The following ERG variants were observed in gnomAD, a reference collection of about 807,000 sequenced individuals.
The protein encoded by ERG is ETS transcription factor ERG.
Under a neutral mutation model 55.3 loss-of-function variants are expected in ERG, and 9 were observed. That is an observed-to-expected ratio of 0.16 (90% confidence interval 0.10 to 0.28). The LOEUF is 0.28. ERG is among the 10% of genes least tolerant of loss of function. ERG has a pLI of 1.00. For synonymous variants in ERG, 223 were observed against 237.3 expected (o/e 0.94, Z 0.55); for missense variants, 434 against 631.6 (o/e 0.69, Z 3.35).
intron 1 of ERG, among the ~76,000 whole-genome samples, chr21:38,635,919 A>G (rs1026877348): frequency 6.6e-6 from 1 of 152,118 alleles, no homozygotes; most frequent in Non-Finnish European, 1.5e-5. Flanking sequence ...TGATTCTTCT[A>G]GGTCTCTATT....
At position 38,429,481 on chromosome 21, in the gene ERG, A is replaced by ACG. The variant is rs1395871198; in HGVS notation, c.237-5921_237-5920insCG. Among the ~76,000 whole-genome samples the ACG allele has an allele frequency of 6.3e-4, 82 of 130,770 alleles. 30 individuals carry two copies. Among genetic ancestry groups the ACG allele is most frequent in the Middle Eastern group, 3.8e-3 (1 of 264 alleles). The allele number at this position is 130,770 out of a possible 152,430, so 85.8% of individuals were successfully genotyped here. A position where few individuals can be genotyped will look rare whatever the true frequency, so the allele number is the denominator to read the frequency against. Reference sequence around the variant, plus strand: ...TACATATACACATATGTGTATATACATGTATGCACATGTACATATATACAT... The same window carrying ACG: ...TACATATACACATATGTGTATATACACGTGTATGCACATGTACATATATACAT... On this transcript the variant is annotated intron_variant, in intron 2 of 9. Transcript: ENST00000288319.
At chr21:38,654,799 C>A (rs1250054488) in intron 1 of ERG, among the ~76,000 whole-genome samples, 1 of 152,168 alleles carries the variant, frequency 6.6e-6, no homozygotes, top group Non-Finnish European at 1.5e-5. Context: ...TCTTGAACTG[C>A]AGAAAAAGCA....
intron 1 of ERG, among the ~76,000 whole-genome samples, chr21:38,598,361 G>A (rs2146906541): frequency 6.6e-6 from 1 of 152,326 alleles, no homozygotes; most frequent in East Asian, 1.9e-4. Flanking sequence ...TGGAAGCGCA[G>A]GCAGCAGAGT....
the ERG span, among the ~76,000 whole-genome samples, chr21:38,367,878 A>C: frequency 6.6e-6 from 1 of 152,146 alleles, no homozygotes; most frequent in African/African-American, 2.4e-5. Flanking sequence ...TCTGCAGAGA[A>C]CAATTAGAGT....
chr21:38,384,898 C>T (rs962179947), intron 9 of ERG, among the ~76,000 whole-genome samples: 1 of 151,322 alleles, frequency 6.6e-6, no homozygotes. Flanking sequence ...TTTGGGCAAG[C>T]GCATCGTAAC....
chr21:38,557,671 A>G (rs1348760379), intron 2 of ERG, among the ~76,000 whole-genome samples: 1 of 152,224 alleles, frequency 6.6e-6, no homozygotes, highest in African/African-American at 2.4e-5. Context: ...GTGACAATTT[A>G]GATGTAAAAC....
At chr21:38,441,400 C>T (rs772162045) in intron 2 of ERG, among the ~76,000 whole-genome samples, 2 of 152,218 alleles carry the variant, frequency 1.3e-5, no homozygotes, top group East Asian at 1.9e-4. Context: ...ACAAAGCCTG[C>T]GGTTTCCAGA....
intron 3 of ERG, among the ~76,000 whole-genome samples, chr21:38,406,667 T>TA (rs1265560933): frequency 6.6e-6 from 1 of 152,132 alleles, no homozygotes; most frequent in Non-Finnish European, 1.5e-5. Context: ...ATTTTTTTTT[T>TA]AATGTAACAA....
rs762465730 is a variant in ERG at position 38,383,856 on chromosome 21, G to A, written c.987C>T (p.Cys329=). The change falls in exon 10 of 10, where the codon TGC becomes TGT. Residue 329 remains cysteine (C), a synonymous_variant. Coordinates refer to ENST00000288319, the MANE Select transcript of ERG (RefSeq NM_182918.4). The surrounding 1 kb of genome is among the most constrained non-coding windows in gnomAD (Gnocchi z 5.7). ...ELLSDSSNSS[C]ITWEGTNGEF... ...CCCCGTTGGTGCCTTCCCAGGTGATGCAGCTGGAGTTGGAGCTGTCCGACA... is the reference window on the plus strand; with the variant it reads ...CCCCGTTGGTGCCTTCCCAGGTGATACAGCTGGAGTTGGAGCTGTCCGACA... 82 of 1,613,996 alleles carry A rather than the reference G, an allele frequency of 5.1e-5. No individual in the cohort carries two copies. The highest frequency in any genetic ancestry group is 3.3e-4 in the Admixed American group (20 of 60,006).
At chr21:38,406,858 G>A (rs781647599) in intron 3 of ERG, among the ~76,000 whole-genome samples, 11 of 152,014 alleles carry the variant, frequency 7.2e-5, no homozygotes, top group Non-Finnish European at 1.5e-4. Context: ...AATTGGTTTC[G>A]CTCATCAAGA....
chr21:38,570,908 A>G (rs961535570), intron 2 of ERG, among the ~76,000 whole-genome samples: 39 of 152,340 alleles, frequency 2.6e-4, no homozygotes, highest in African/African-American at 8.9e-4. Flanking sequence ...ATTCTATATG[A>G]TTAGCTGGTG....
intron 1 of ERG, among the ~76,000 whole-genome samples, chr21:38,476,702 T>TC (rs1569129417): frequency 6.6e-6 from 1 of 151,880 alleles, no homozygotes; most frequent in African/African-American, 2.4e-5. Flanking sequence ...ACAGAATCCT[T>TC]CCCCCCTCCT....
rs948129721 is a variant in ERG, at chr21:38,448,303, T to C, written c.19-2682A>G. Among the ~76,000 whole-genome samples, 30 of 152,354 alleles carry C rather than the reference T, an allele frequency of 2.0e-4. 1 individual carries two copies. Among genetic ancestry groups the C allele is most frequent in the African/African-American group, 7.2e-4 (30 of 41,582 alleles). On this transcript the variant is annotated intron_variant, in intron 1 of 9. Transcript: ENST00000288319. The stretch of plus-strand genomic sequence containing the variant: ...CTCCTTTTTTTGCATCTTAAAATTC[T>C]TCTCACAGCTAATATTGCACAAAAA...
chr21:38,573,654 GC>G (rs1438513577), intron 2 of ERG, among the ~76,000 whole-genome samples: 1 of 152,124 alleles, frequency 6.6e-6, no homozygotes, highest in Non-Finnish European at 1.5e-5. Context: ...TTATCACCCT[GC>G]TCTCCTACTA....
intron 1 of ERG, among the ~76,000 whole-genome samples, chr21:38,610,449 C>T (rs2060219471): frequency 6.6e-6 from 1 of 152,226 alleles, no homozygotes; most frequent in Admixed American, 6.5e-5. Context: ...ATCAACTGGG[C>T]CCAAATCCAT....
chr21:38,552,815 TG>T (rs1261663130), intron 2 of ERG, among the ~76,000 whole-genome samples: 2 of 143,770 alleles, frequency 1.4e-5, no homozygotes, highest in African/African-American at 5.2e-5. Context: ...AATATAGTAC[TG>T]GAAGTCCTAG....
the ERG span, chr21:38,367,490 C>T: frequency 5.0e-6 from 2 of 401,540 alleles, no homozygotes; most frequent in Non-Finnish European, 9.5e-6. Flanking sequence ...CCATACACTT[C>T]TCTGTAGGGC....
intron 6 of ERG, among the ~76,000 whole-genome samples, chr21:38,395,021 C>T (rs1408465025): frequency 2.6e-5 from 4 of 152,148 alleles, no homozygotes; most frequent in Non-Finnish European, 5.9e-5. Context: ...ATAACCATAT[C>T]CCATCCTCCC....
intron 1 of ERG, among the ~76,000 whole-genome samples, chr21:38,648,230 C>G (rs893814511): frequency 1.3e-5 from 2 of 152,174 alleles, no homozygotes; most frequent in Admixed American, 1.3e-4. Flanking sequence ...ATTTCCATTT[C>G]TTCCTTAATC....
Sources: gnomAD v4.1 joint callset for allele counts (sites outside exome capture counted in the v4.1 genomes callset) on GRCh38, gnomAD v4.1.1 for gene constraint, Gnocchi (gnomAD v3.1) non-coding constraint, MANE v1.5 for transcripts, NCBI Gene and HGNC (gene_info 2026-07-23, HGNC 2026-07-21) for gene names.